The following CACNA1E variants were observed in gnomAD, a reference collection of about 807,000 sequenced individuals.
CACNA1E encodes voltage-dependent R-type calcium channel subunit alpha-1E.
A neutral mutation model predicts 259.2 loss-of-function variants in CACNA1E; 40 were observed. That is an observed-to-expected ratio of 0.15 (90% CI 0.12 to 0.20). The LOEUF is 0.20. Ranked by LOEUF, CACNA1E falls within the 10% of genes least tolerant of loss-of-function variation. CACNA1E has a pLI of 1.00. For synonymous variants in CACNA1E, 1,104 were observed against 1,138.5 expected (o/e 0.97, Z 0.61); for missense variants, 1,874 against 3,040.1 (o/e 0.62, Z 9.02).
intron 1 of CACNA1E, 74 bp from the exon 2 acceptor site, chr1:181,510,403 G>C: frequency 1.1e-6 from 1 of 944,274 alleles, no homozygotes; most frequent in Non-Finnish European, 1.7e-6. Flanking sequence ...ATAGAGTTGT[G>C]TGTTTATGGG....
chr1:181,502,895 C>T (rs1665379214), intron 1 of CACNA1E, among the ~76,000 whole-genome samples: 1 of 152,158 alleles, frequency 6.6e-6, no homozygotes, highest in Admixed American at 6.5e-5. Context: ...GACAGTGTTT[C>T]ACCATGTTGG....
At chr1:181,326,796 G>A (rs1650829396) in intron 1 of CACNA1E, among the ~76,000 whole-genome samples, 1 of 151,890 alleles carries the variant, frequency 6.6e-6, no homozygotes, top group African/African-American at 2.4e-5. Flanking sequence ...CCCAAATCTT[G>A]TCCTCCTCTC....
At chr1:181,473,020 A>C (rs1662610873) in intron 2 of CACNA1E, among the ~76,000 whole-genome samples, 1 of 152,170 alleles carries the variant, frequency 6.6e-6, no homozygotes, top group Admixed American at 6.6e-5. Context: ...CTGGCAGCAG[A>C]AGTATTTGTG....
At chr1:181,389,466 T>G (rs966229470) in intron 1 of CACNA1E, among the ~76,000 whole-genome samples, 1 of 152,188 alleles carries the variant, frequency 6.6e-6, no homozygotes, top group African/African-American at 2.4e-5. Context: ...GGGTTACAAA[T>G]CAACGTTAGT....
chr1:181,753,356 T>G (rs1657769802), intron 27 of CACNA1E, among the ~76,000 whole-genome samples: 1 of 152,212 alleles, frequency 6.6e-6, no homozygotes, highest in African/African-American at 2.4e-5. Context: ...CTAAACGGGC[T>G]TCCCAGGTGA....
Position 181,715,384 on chromosome 1 carries a change from CT to C in CACNA1E, c.1220del (p.Leu407Ter). On this transcript the variant is annotated frameshift_variant, in exon 9 of 48. Transcript: ENST00000367573. LOFTEE classifies it high-confidence loss of function. The part of the protein sequence containing the change: ...EENKNAGTSA[L>X]EVLRRATIKR... ...AAAATAAAAATGCTGGAACATCCGC[CT>C]TAGAAGGTAAGGAAATGTTCTGATG... 3 of 1,589,856 alleles carry C rather than the reference CT, an allele frequency of 1.9e-6. No individual in the cohort carries two copies. Among genetic ancestry groups the C allele is most frequent in the South Asian group, 1.1e-5 (1 of 88,728 alleles).
chr1:181,493,013 T>C (rs892902652), intron 1 of CACNA1E, among the ~76,000 whole-genome samples: 1 of 152,172 alleles, frequency 6.6e-6, no homozygotes, highest in Non-Finnish European at 1.5e-5. Flanking sequence ...TAGATGACTC[T>C]TTTTGGAGTG....
At chr1:181,718,667 C>CACACACACACACACA (rs1654154072) in intron 12 of CACNA1E, among the ~76,000 whole-genome samples, 1 of 137,368 alleles carries the variant, frequency 7.3e-6, no homozygotes, top group Non-Finnish European at 1.6e-5. Flanking sequence ...CACACACACA[C>CACACACACACACACA]CCTTATATTA....
chr1:181,702,235 T>C (rs1425066629), intron 7 of CACNA1E, among the ~76,000 whole-genome samples: 1 of 151,986 alleles, frequency 6.6e-6, no homozygotes, highest in Non-Finnish European at 1.5e-5. Flanking sequence ...AACTTTGGGG[T>C]CATCTTGGAT....
intron 2 of CACNA1E, among the ~76,000 whole-genome samples, chr1:181,423,662 A>ATGTTTTTTTTTTTTT (rs1430665143): frequency 1.1e-4 from 14 of 130,994 alleles, no homozygotes; most frequent in African/African-American, 4.3e-4. Context: ...CATTGGGCCA[A>ATGTTTTTTTTTTTTT]TTTTTTTTTT....
chr1:181,786,818 C>A lies in CACNA1E; in HGVS notation c.5786+999C>A, dbSNP rs80260757. ...TAGGGCTTGGGAATGAGACTTCTGT[C>A]GGAGTCATTTGGAATTGCTCAGATC... On this transcript the variant is annotated intron_variant, in intron 43 of 47. Coordinates refer to ENST00000367573, the MANE Select transcript of CACNA1E (RefSeq NM_001205293.3). 4.2e-3 allele frequency among the ~76,000 whole-genome samples: 635 copies of A among 152,268 alleles called. 6 individuals carry two copies. Among genetic ancestry groups the A allele is most frequent in the African/African-American group, 0.015 (611 of 41,562 alleles).
At chr1:181,647,581 T>C (rs1198652537) in intron 6 of CACNA1E, among the ~76,000 whole-genome samples, 2 of 152,208 alleles carry the variant, frequency 1.3e-5, no homozygotes, top group Admixed American at 6.5e-5. Flanking sequence ...ACGTGCTTTC[T>C]GGGTACTTGC....
chr1:181,323,225 A>G (rs1650507624), intron 1 of CACNA1E, among the ~76,000 whole-genome samples: 1 of 152,206 alleles, frequency 6.6e-6, no homozygotes, highest in Non-Finnish European at 1.5e-5. Flanking sequence ...GGAATGAGAA[A>G]ATAAAGATGC....
chr1:181,613,470 T>C (rs1480849452), intron 6 of CACNA1E, among the ~76,000 whole-genome samples: 1 of 152,212 alleles, frequency 6.6e-6, no homozygotes, highest in Non-Finnish European at 1.5e-5. Flanking sequence ...GAGAACATAT[T>C]TACTATGATT....
At chr1:181,587,970 T>G (rs1652255316) in intron 6 of CACNA1E, among the ~76,000 whole-genome samples, 1 of 152,232 alleles carries the variant, frequency 6.6e-6, no homozygotes, top group South Asian at 2.1e-4. Context: ...GAAACCTGTC[T>G]CACTGCATAG....
chr1:181,617,384 A>G (rs1326882993), intron 6 of CACNA1E, among the ~76,000 whole-genome samples: 2 of 152,158 alleles, frequency 1.3e-5, no homozygotes, highest in Non-Finnish European at 2.9e-5. Context: ...TCCGCCAGAA[A>G]ATATTGAATG....
At chr1:181,640,690 T>G (rs1657667677) in intron 6 of CACNA1E, among the ~76,000 whole-genome samples, 1 of 152,246 alleles carries the variant, frequency 6.6e-6, no homozygotes, top group Non-Finnish European at 1.5e-5. Context: ...GCTGAATATT[T>G]GAGTGAGCTA....
At chr1:181,796,905 G>T in intron 47 of CACNA1E, 47 bp downstream of exon 47, 1 of 1,398,550 alleles carries the variant, frequency 7.2e-7, no homozygotes. Flanking sequence ...ACAGGGGAGG[G>T]TGGGCTGTAT....
intron 1 of CACNA1E, among the ~76,000 whole-genome samples, chr1:181,354,546 C>T (rs1034437403): frequency 1.3e-5 from 2 of 152,126 alleles, no homozygotes; most frequent in African/African-American, 2.4e-5. Context: ...TGCCAGTTTC[C>T]TGTGGTTAGA....
Sources: gnomAD v4.1 joint callset for allele counts (sites outside exome capture counted in the v4.1 genomes callset) on GRCh38, gnomAD v4.1.1 for gene constraint, MANE v1.5 for transcripts, NCBI Gene and HGNC (gene_info 2026-07-23, HGNC 2026-07-21) for gene names.